Variants in PPP4R2 observed in about 807,000 individuals in gnomAD.
The protein encoded by PPP4R2 is serine/threonine-protein phosphatase 4 regulatory subunit 2.
PPP4R2 carries 13 observed loss-of-function variants against 47.2 expected under a neutral mutation model. The observed-to-expected ratio is 0.28, with a 90% CI of 0.18 to 0.44. PPP4R2 has a LOEUF of 0.44. Among genes scored for constraint, PPP4R2 ranks in the 20% least tolerant of loss-of-function variants. The probability of loss-of-function intolerance (pLI) is 1.00; values close to 1 mark genes in which losing one functional copy is unlikely to be tolerated. For missense variants in PPP4R2, 421 were observed against 491.2 expected (o/e 0.86, Z 1.35); for synonymous variants, 151 against 163.3 (o/e 0.92, Z 0.57).
At chr3:73,064,772 CATT>C (rs1702950707) in intron 7 of PPP4R2, 77 bp from the exon 8 acceptor site, 5 of 1,233,142 alleles carry the variant, frequency 4.1e-6, no homozygotes, top group Admixed American at 2.3e-5. Flanking sequence ...CAATTTAAAA[CATT>C]ATTTAACCTT....
chr3:73,053,928 A>G (rs1702674534), intron 3 of PPP4R2, among the ~76,000 whole-genome samples: 2 of 149,630 alleles, frequency 1.3e-5, no homozygotes, highest in African/African-American at 5.0e-5. Flanking sequence ...AAAAAAAGCG[A>G]AATCTGTCAT....
intron 1 of PPP4R2, 120 bp from the exon 2 acceptor site, chr3:72,997,957 C>G (rs545490687): frequency 3.6e-5 from 26 of 720,024 alleles, no homozygotes; most frequent in Admixed American, 2.8e-4. Flanking sequence ...GGTTGAGAGG[C>G]CTTATTTTTT....
intron 3 of PPP4R2, among the ~76,000 whole-genome samples, chr3:73,055,699 T>C (rs1353746736): frequency 2.0e-5 from 3 of 150,240 alleles, no homozygotes; most frequent in Admixed American, 6.6e-5. Flanking sequence ...CTCACTCTTA[T>C]CACCCAGGCT....
rs72877519 is a variant in PPP4R2 at position 73,042,766 on chromosome 3, C to T, written c.117-4420C>T. Among the ~76,000 whole-genome samples the T allele has an allele frequency of 7.4e-3, 1,125 of 152,240 alleles. 14 individuals carry two copies. Among genetic ancestry groups the T allele is most frequent in the African/African-American group, 0.026 (1,093 of 41,526 alleles). ...TCTTTCACATTTTATGAATGCCCTC[C>T]CCATATATATATGTGGAATAGTATC... On this transcript the variant is annotated intron_variant, in intron 2 of 8. Coordinates refer to ENST00000356692, the MANE Select transcript of PPP4R2 (RefSeq NM_174907.4).
intron 2 of PPP4R2, among the ~76,000 whole-genome samples, chr3:73,046,061 G>A (rs1409968589): frequency 6.6e-6 from 1 of 152,124 alleles, no homozygotes; most frequent in Non-Finnish European, 1.5e-5. Context: ...CACTTTAAGT[G>A]GAACAGATTT....
chr3:73,039,063 A>G (rs952265424), intron 2 of PPP4R2, among the ~76,000 whole-genome samples: 2 of 152,228 alleles, frequency 1.3e-5, no homozygotes, highest in African/African-American at 4.8e-5. Flanking sequence ...GTAACACTTC[A>G]AGGATAATTT....
chr3:73,065,117 G>A lies in PPP4R2; in HGVS notation c.904G>A (p.Glu302Lys), dbSNP rs763625499. Residue 302 changes from glutamate (E) to lysine (K), a missense_variant, in exon 8 of 9, where the codon GAA becomes AAA. Transcript: ENST00000356692. ...TRQHCTEEDE[E>K]EDEEEEEESF... ...GCAGCACTGTACAGAAGAGGATGAA[G>A]AAGAGGATGAAGAGGAAGAAGAAGG... 2 of 1,609,774 alleles carry A rather than the reference G, an allele frequency of 1.2e-6. No homozygotes were observed. The highest frequency in any genetic ancestry group is 2.7e-5 in the African/African-American group (2 of 74,660).
intron 2 of PPP4R2, among the ~76,000 whole-genome samples, chr3:73,020,866 A>C (rs1376349199): frequency 1.3e-5 from 2 of 151,738 alleles, no homozygotes; most frequent in Non-Finnish European, 1.5e-5. Context: ...TGGTGGAGAG[A>C]GTATAAGTTC....
At chr3:73,014,689 T>G (rs1027062139) in intron 2 of PPP4R2, among the ~76,000 whole-genome samples, 3 of 152,252 alleles carry the variant, frequency 2.0e-5, no homozygotes, top group African/African-American at 7.2e-5. Flanking sequence ...TCTTATAGTT[T>G]TTTTTTATTG....
chr3:73,014,888 G>A (rs1181859733), intron 2 of PPP4R2: 4 of 581,666 alleles, frequency 6.9e-6, no homozygotes, highest in African/African-American at 1.9e-5. Flanking sequence ...TCATTTTAAT[G>A]AGATGGGGTC....
At chr3:73,043,710 T>C (rs1384512445) in intron 2 of PPP4R2, among the ~76,000 whole-genome samples, 1 of 152,220 alleles carries the variant, frequency 6.6e-6, no homozygotes, top group African/African-American at 2.4e-5. Flanking sequence ...TTCATATGCT[T>C]ATTGGCCATT....
At chr3:73,037,414 CCAG>C (rs1702287480) in intron 2 of PPP4R2, among the ~76,000 whole-genome samples, 1 of 152,106 alleles carries the variant, frequency 6.6e-6, no homozygotes, top group African/African-American at 2.4e-5. Flanking sequence ...TTTAAGGTAA[CCAG>C]TTAAGATGTT....
chr3:73,032,877 C>T (rs2107280348), intron 2 of PPP4R2, among the ~76,000 whole-genome samples: 1 of 152,000 alleles, frequency 6.6e-6, no homozygotes, highest in South Asian at 2.1e-4. Context: ...CTAATTCAAC[C>T]CCAAATTTTA....
chr3:73,065,157 C>CT lies in PPP4R2; in HGVS notation c.928+17dup, dbSNP rs748642834. The CT allele has an allele frequency of 6.3e-7, 1 of 1,582,126 alleles. No homozygotes were observed. The highest frequency in any genetic ancestry group is 1.2e-5 in the South Asian group (1 of 85,362). On this transcript the variant is annotated intron_variant, in intron 8 of 8. Transcript: ENST00000356692. ...GAAGAAGAAGGTATTTAGAGACCAT[C>CT]TGTAAAAGGGTGGAGTAAGGAGATC... is the stretch of plus-strand genomic sequence containing the variant.
intron 5 of PPP4R2, chr3:73,062,939 G>C (rs2231929): frequency 6.4e-7 from 1 of 1,566,798 alleles, no homozygotes; most frequent in Non-Finnish European, 8.7e-7. Flanking sequence ...TTAATGCTGT[G>C]AGAATGTTTC....
At chr3:73,020,218 C>T (rs1213235174) in intron 2 of PPP4R2, among the ~76,000 whole-genome samples, 3 of 152,140 alleles carry the variant, frequency 2.0e-5, no homozygotes. Flanking sequence ...GTTTTTGAGA[C>T]AGGGTCTTGT....
intron 2 of PPP4R2, among the ~76,000 whole-genome samples, chr3:73,039,364 C>A (rs992844404): frequency 6.6e-5 from 10 of 152,176 alleles, no homozygotes; most frequent in Admixed American, 2.0e-4. Flanking sequence ...CTCAAGTGAT[C>A]CATCCACCTG....
At chr3:73,001,638 C>CT (rs1018454217) in intron 2 of PPP4R2, among the ~76,000 whole-genome samples, 1 of 151,952 alleles carries the variant, frequency 6.6e-6, no homozygotes, top group African/African-American at 2.4e-5. Context: ...AGTTTTCTTT[C>CT]TTCTTTTTTT....
At chr3:73,008,584 C>G (rs1021353238) in intron 2 of PPP4R2, among the ~76,000 whole-genome samples, 3 of 152,112 alleles carry the variant, frequency 2.0e-5, no homozygotes, top group Non-Finnish European at 4.4e-5. Flanking sequence ...GCTTGAGTTC[C>G]AAACTTAGCT....
Sources: gnomAD v4.1 joint callset for allele counts (sites outside exome capture counted in the v4.1 genomes callset) on GRCh38, gnomAD v4.1.1 for gene constraint, MANE v1.5 for transcripts, NCBI Gene and HGNC (gene_info 2026-07-23, HGNC 2026-07-21) for gene names.